The following PTPN4 variants were observed in gnomAD, a reference collection of about 807,000 sequenced individuals.
PTPN4 encodes the protein tyrosine-protein phosphatase non-receptor type 4.
PTPN4 carries 49 observed loss-of-function variants against 135.5 expected under a neutral mutation model. The ratio of observed to expected loss-of-function variants is 0.36; its 90% CI spans 0.29 to 0.46. The LOEUF (loss-of-function observed/expected upper bound fraction) is 0.46. Ranked by LOEUF, PTPN4 falls within the 20% of genes least tolerant of loss-of-function variation. PTPN4 has a pLI of 1.00. For missense variants in PTPN4, 860 were observed against 1,101.0 expected, an observed-to-expected ratio of 0.78 and a Z score of 3.10; for synonymous variants, 333 against 369.9, an observed-to-expected ratio of 0.90 and a Z score of 1.14.
intron 3 of PTPN4, among the ~76,000 whole-genome samples, chr2:119,875,490 A>G (rs761801176): frequency 3.9e-5 from 6 of 152,262 alleles, no homozygotes; most frequent in Non-Finnish European, 8.8e-5. Context: ...GATATAATTT[A>G]TGACTTTTCC....
chr2:119,883,042 C>A (rs1678103187), intron 8 of PTPN4, among the ~76,000 whole-genome samples: 2 of 152,016 alleles, frequency 1.3e-5, no homozygotes, highest in Admixed American at 6.5e-5. Context: ...AAAAATATTT[C>A]TTTAAGAACA....
At chr2:119,868,928 A>G (rs1195936681) in intron 3 of PTPN4, among the ~76,000 whole-genome samples, 2 of 152,088 alleles carry the variant, frequency 1.3e-5, no homozygotes, top group Non-Finnish European at 2.9e-5. Flanking sequence ...CTCTAGCACC[A>G]CTGGGTTAGG....
At chr2:119,957,448 A>G (rs566622114) in intron 22 of PTPN4, among the ~76,000 whole-genome samples, 25 of 152,184 alleles carry the variant, frequency 1.6e-4, no homozygotes, top group African/African-American at 6.0e-4. Context: ...TCATTATGAA[A>G]ATCTAATGCC....
At chr2:119,948,589 TAATC>T (rs1679168632) in intron 18 of PTPN4, among the ~76,000 whole-genome samples, 2 of 151,994 alleles carry the variant, frequency 1.3e-5, no homozygotes, top group African/African-American at 2.4e-5. Context: ...AGTGGAAAAA[TAATC>T]AAATGTGGAC....
At chr2:119,908,338 A>T (rs1306060104) in intron 10 of PTPN4, among the ~76,000 whole-genome samples, 1 of 152,148 alleles carries the variant, frequency 6.6e-6, no homozygotes, top group African/African-American at 2.4e-5. Context: ...CCTGCATCAA[A>T]CAACTCTGTT....
chr2:119,863,264 G>A (rs1677786330), intron 3 of PTPN4, among the ~76,000 whole-genome samples: 1 of 152,052 alleles, frequency 6.6e-6, no homozygotes. Flanking sequence ...ACAATTAAGT[G>A]TTATAAAATG....
At chr2:119,948,577 A>G (rs1318879236) in intron 18 of PTPN4, among the ~76,000 whole-genome samples, 1 of 152,194 alleles carries the variant, frequency 6.6e-6, no homozygotes, top group Non-Finnish European at 1.5e-5. Context: ...ATAACAGTTT[A>G]AAGTGGAAAA....
rs1677537574 is a variant in PTPN4 at position 119,848,303 on chromosome 2, A to C, written c.139-14233A>C. Among the ~76,000 whole-genome samples, 5 of 151,430 alleles carry C rather than the reference A, an allele frequency of 3.3e-5. No individual in the cohort carries two copies. In the South Asian group the frequency reaches 1.0e-3, roughly 32 times the overall value. ...ATTCTCCCGCCTCAGCCTCCCGAGT[A>C]ACTGGGACTACAGGCGCCCACCACC... On this transcript the variant is annotated intron_variant, in intron 2 of 26. Coordinates refer to ENST00000263708, the MANE Select transcript of PTPN4 (RefSeq NM_002830.4).
intron 15 of PTPN4, among the ~76,000 whole-genome samples, chr2:119,937,445 T>C (rs1678999102): frequency 6.6e-6 from 1 of 152,200 alleles, no homozygotes; most frequent in Admixed American, 6.5e-5. Context: ...TTACCATTTA[T>C]AGGCTAAGGA....
intron 26 of PTPN4, among the ~76,000 whole-genome samples, chr2:119,969,172 G>T (rs1679490466): frequency 6.6e-6 from 1 of 151,622 alleles, no homozygotes; most frequent in Non-Finnish European, 1.5e-5. Context: ...CCACCACATT[G>T]GGCTAATTTT....
At chr2:119,832,149 C>T (rs1042679145) in intron 2 of PTPN4, among the ~76,000 whole-genome samples, 2 of 152,200 alleles carry the variant, frequency 1.3e-5, no homozygotes, top group East Asian at 3.9e-4. Context: ...TGATCAAAAT[C>T]GGAGGTAGAA....
intron 15 of PTPN4, among the ~76,000 whole-genome samples, chr2:119,937,690 T>A (rs1679003391): frequency 1.3e-5 from 2 of 152,236 alleles, no homozygotes; most frequent in South Asian, 4.1e-4. Context: ...TTTGCTACTA[T>A]GTGACAATAT....
Position 119,982,584 on chromosome 2 carries a change from T to C in PTPN4, c.*5514T>C, listed in dbSNP as rs746307801. 3.3e-5 allele frequency: 5 copies of C among 152,244 alleles called. No individual in the cohort carries two copies. Among genetic ancestry groups the C allele is most frequent in the Non-Finnish European group, 7.3e-5 (5 of 68,034 alleles). 9.4% of individuals were successfully genotyped at this position (152,244 alleles called of 1,614,324 possible). On this transcript the variant is annotated 3_prime_UTR_variant, in exon 27 of 27. Coordinates refer to ENST00000263708, the MANE Select transcript of PTPN4 (RefSeq NM_002830.4). ...AGAAACTTTTCAGAAAATTTGCACA[T>C]ACTGTTTGTAAGTATAAAATAATTG... is the stretch of plus-strand genomic sequence containing the variant.
intron 3 of PTPN4, among the ~76,000 whole-genome samples, chr2:119,865,754 A>G (rs1315131730): frequency 6.6e-6 from 1 of 152,078 alleles, no homozygotes; most frequent in African/African-American, 2.4e-5. Context: ...ATGCACATGT[A>G]TGTATATATT....
At position 119,878,949 on chromosome 2, in the gene PTPN4, C is replaced by T. The variant is rs1265428805; in HGVS notation, c.368+1407C>T. ...TCTACTAAAAATACAAAAAATTAGCCGGGTGTGGTGGCAGGCGCCTGTAGT... is the reference window on the plus strand; with the variant it reads ...TCTACTAAAAATACAAAAAATTAGCTGGGTGTGGTGGCAGGCGCCTGTAGT... On this transcript the variant is annotated intron_variant, in intron 5 of 26. Coordinates refer to ENST00000263708, the MANE Select transcript of PTPN4 (RefSeq NM_002830.4). Among the ~76,000 whole-genome samples, 8 of 151,392 alleles carry T rather than the reference C, an allele frequency of 5.3e-5. No individual in the cohort carries two copies. In the East Asian group the frequency reaches 5.8e-4, roughly 11 times the overall value.
intron 22 of PTPN4, among the ~76,000 whole-genome samples, chr2:119,957,582 A>G (rs1185142037): frequency 1.4e-5 from 2 of 140,172 alleles, no homozygotes; most frequent in South Asian, 2.5e-4. Context: ...GTTGGGGACC[A>G]CTAGTCTAGA....
chr2:119,945,756 T>C (rs1679123794), intron 16 of PTPN4, among the ~76,000 whole-genome samples: 1 of 152,066 alleles, frequency 6.6e-6, no homozygotes, highest in Non-Finnish European at 1.5e-5. Context: ...TTGACTAGGC[T>C]TTGGAGGATG....
At chr2:119,945,843 G>T (rs1679125223) in intron 16 of PTPN4, among the ~76,000 whole-genome samples, 1 of 152,048 alleles carries the variant, frequency 6.6e-6, no homozygotes, top group African/African-American at 2.4e-5. Context: ...TCTAAAATTA[G>T]ATAATAGTGA....
intron 2 of PTPN4, among the ~76,000 whole-genome samples, chr2:119,822,966 C>A (rs3101946): frequency 0.38 from 57,996 of 152,000 alleles, 12,510 homozygotes; most frequent in African/African-American, 0.59. Flanking sequence ...GCCTCTCCCC[C>A]CATTTCTATT....
Sources: gnomAD v4.1 joint callset for allele counts (sites outside exome capture counted in the v4.1 genomes callset) on GRCh38, gnomAD v4.1.1 for gene constraint, MANE v1.5 for transcripts, NCBI Gene and HGNC (gene_info 2026-07-23, HGNC 2026-07-21) for gene names.